EYS: variants seen among roughly 807,000 people sequenced by gnomAD.
EYS encodes the protein EGF-like photoreceptor maintenance factor, also known as protein eyes shut homolog.
In EYS, 250 loss-of-function variants were observed where a neutral mutation model predicts 282.1. The ratio of observed to expected loss-of-function variants is 0.89; its 90% confidence interval spans 0.80 to 0.98. The LOEUF is 0.98. Ranked by LOEUF, EYS falls within the 50% of genes least tolerant of loss-of-function variation. The pLI is 0.00. For missense variants in EYS, 4,016 were observed against 3,709.0 expected, an observed-to-expected ratio of 1.08 and a Z score of -2.15; for synonymous variants, 1,355 against 1,282.9, an observed-to-expected ratio of 1.06 and a Z score of -1.20.
At chr6:64,246,803 T>C (rs1054941581) in intron 30 of EYS, among the ~76,000 whole-genome samples, 1 of 152,178 alleles carries the variant, frequency 6.6e-6, no homozygotes, top group African/African-American at 2.4e-5. Context: ...TGAACCCCTA[T>C]GGGCAGTGAA....
At chr6:65,025,153 A>G (rs1461987374) in intron 13 of EYS, among the ~76,000 whole-genome samples, 1 of 152,242 alleles carries the variant, frequency 6.6e-6, no homozygotes, top group African/African-American at 2.4e-5. Context: ...CTATCATAAA[A>G]TTAAAAATCA....
chr6:65,155,000 T>C (rs1374221877), intron 12 of EYS, among the ~76,000 whole-genome samples: 1 of 151,492 alleles, frequency 6.6e-6, no homozygotes, highest in Non-Finnish European at 1.5e-5. Context: ...GAAAGGAAAA[T>C]AAGCTCATAT....
intron 7 of EYS, among the ~76,000 whole-genome samples, chr6:65,395,083 G>A (rs1766228561): frequency 6.6e-6 from 1 of 152,172 alleles, no homozygotes; most frequent in African/African-American, 2.4e-5. Context: ...TCTGTTTTGA[G>A]ACAGAGTTTC....
intron 36 of EYS, among the ~76,000 whole-genome samples, chr6:63,832,877 T>C (rs530948360): frequency 6.6e-6 from 1 of 152,324 alleles, no homozygotes; most frequent in East Asian, 1.9e-4. Context: ...CATGATCAAG[T>C]TGACTTCATC....
At position 64,886,697 on chromosome 6, in the gene EYS, C is replaced by T. The variant is rs1010982936; in HGVS notation, c.2992G>A (p.Gly998Ser). 37 of 1,542,726 alleles carry T rather than the reference C, an allele frequency of 2.4e-5. No homozygotes were observed. The highest frequency in any genetic ancestry group is 3.0e-5 in the Non-Finnish European group (34 of 1,142,622). The change falls in exon 19 of 43, where the codon GGC becomes AGC. Residue 998 changes from glycine (G) to serine (S), a missense_variant and splice_region_variant. Gly to Ser is a moderately conservative substitution (Grantham distance 56). Coordinates refer to ENST00000503581, the MANE Select transcript of EYS (RefSeq NM_001142800.2). ...YNCLCAPGYT[G>S]INCEINLDEC... ...GCACATGGGACAGATATGGATTTAC[C>T]TGTATAACCAGGGGCACAGAGGCAG...
chr6:64,981,768 G>T (rs1770675522), intron 14 of EYS, among the ~76,000 whole-genome samples: 1 of 151,284 alleles, frequency 6.6e-6, no homozygotes. Flanking sequence ...TTTTTAAATG[G>T]TTTCTCTCAA....
At chr6:65,285,485 T>G (rs1355163281) in intron 12 of EYS, among the ~76,000 whole-genome samples, 1 of 151,964 alleles carries the variant, frequency 6.6e-6, no homozygotes. Flanking sequence ...TTAGTCAGCA[T>G]TTTTGAAAAT....
chr6:63,791,510 A>C (rs1473453017), intron 37 of EYS, among the ~76,000 whole-genome samples: 1 of 151,222 alleles, frequency 6.6e-6, no homozygotes, highest in Non-Finnish European at 1.5e-5. Context: ...CCTGGGAGGC[A>C]GATCTTGCAG....
chr6:64,307,072 G>A lies in EYS; in HGVS notation c.6089C>T (p.Pro2030Leu). 3.5e-6 allele frequency: 5 copies of A among 1,429,274 alleles called. No individual in the cohort carries two copies. The highest frequency in any genetic ancestry group is 4.8e-6 in the Non-Finnish European group (5 of 1,045,942). The allele number at this position is 1,429,274 out of a possible 1,614,324, so 88.5% of individuals were successfully genotyped here. A position where few individuals can be genotyped will look rare whatever the true frequency, so the allele number is the denominator to read the frequency against. ...TATGCAGCCAGTAAAATTCTTGACT[G>A]GTACAGGCATCTGAGAGAGAGAGAG... The part of the protein sequence containing the change: ...DLHGKIQMPV[P>L]VKNFTGCIEV... The change falls in exon 30 of 43, where the codon CCA (proline) becomes CTA (leucine). Residue 2030 changes from proline to leucine, a missense_variant. Transcript: ENST00000503581.
intron 10 of EYS, among the ~76,000 whole-genome samples, chr6:65,341,119 C>T (rs561675118): frequency 1.3e-3 from 190 of 151,214 alleles, no homozygotes; most frequent in African/African-American, 4.3e-3. Context: ...GAGAGGAAAG[C>T]GTGGGTTCTA....
At chr6:65,311,414 A>C (rs1247377600) in intron 11 of EYS, among the ~76,000 whole-genome samples, 1 of 152,318 alleles carries the variant, frequency 6.6e-6, no homozygotes, top group Non-Finnish European at 1.5e-5. Flanking sequence ...ACTTTAAGCA[A>C]TTACAGATAA....
At chr6:64,749,592 T>A (rs1772674826) in intron 22 of EYS, among the ~76,000 whole-genome samples, 1 of 152,158 alleles carries the variant, frequency 6.6e-6, no homozygotes, top group South Asian at 2.1e-4. Flanking sequence ...GTTGAATAAT[T>A]CAACGACTAT....
chr6:63,828,229 C>T (rs1771528563), intron 36 of EYS, among the ~76,000 whole-genome samples: 1 of 152,044 alleles, frequency 6.6e-6, no homozygotes, highest in African/African-American at 2.4e-5. Flanking sequence ...AAATAACCAA[C>T]ATCAGATCAG....
At chr6:64,220,339 G>C (rs1766061098) in intron 31 of EYS, among the ~76,000 whole-genome samples, 1 of 152,034 alleles carries the variant, frequency 6.6e-6, no homozygotes, top group African/African-American at 2.4e-5. Context: ...CAGGAGAATG[G>C]GAATATGAAT....
chr6:63,959,046 C>CT (rs754513932), intron 35 of EYS, among the ~76,000 whole-genome samples: 16 of 152,156 alleles, frequency 1.1e-4, no homozygotes, highest in African/African-American at 3.6e-4. Flanking sequence ...TGTAGAAACA[C>CT]TTTTTGTAGA....
chr6:65,074,020 A>G (rs1244505727), intron 12 of EYS, among the ~76,000 whole-genome samples: 2 of 151,974 alleles, frequency 1.3e-5, no homozygotes, highest in African/African-American at 4.8e-5. Context: ...GTGAAGTTCG[A>G]CTTCTTCCCC....
intron 2 of EYS, among the ~76,000 whole-genome samples, chr6:65,527,973 G>C (rs1767631609): frequency 6.6e-6 from 1 of 152,170 alleles, no homozygotes; most frequent in African/African-American, 2.4e-5. Flanking sequence ...TGTGCCATGT[G>C]AAATAGCCTA....
At chr6:65,104,735 A>G (rs1774986877) in intron 12 of EYS, among the ~76,000 whole-genome samples, 1 of 151,542 alleles carries the variant, frequency 6.6e-6, no homozygotes, top group Non-Finnish European at 1.5e-5. Flanking sequence ...AAAATCTTAT[A>G]AAAATTATGC....
intron 12 of EYS, among the ~76,000 whole-genome samples, chr6:65,105,729 T>C (rs921142710): frequency 2.0e-5 from 3 of 151,950 alleles, no homozygotes; most frequent in Non-Finnish European, 2.9e-5. Context: ...TACTTCTGAA[T>C]TTCCTAAATC....
Sources: gnomAD v4.1 joint callset for allele counts (sites outside exome capture counted in the v4.1 genomes callset) on GRCh38, gnomAD v4.1.1 for gene constraint, MANE v1.5 for transcripts, NCBI Gene and HGNC (gene_info 2026-07-23, HGNC 2026-07-21) for gene names.